Variants in TTLL4 observed in about 807,000 individuals in gnomAD.
The protein encoded by TTLL4 is tubulin tyrosine ligase like 4, also known as tubulin monoglutamylase TTLL4.
In TTLL4, 85 loss-of-function variants were observed where a neutral mutation model predicts 122.7. The ratio of observed to expected loss-of-function variants is 0.69; its 90% CI spans 0.58 to 0.83. TTLL4 has a LOEUF of 0.83. Among genes scored for constraint, TTLL4 ranks in the 40% least tolerant of loss-of-function variants. The pLI is 0.00. For missense variants in TTLL4, 1,363 were observed against 1,488.6 expected, an observed-to-expected ratio of 0.92 and a Z score of 1.39; for synonymous variants, 553 against 563.0, an observed-to-expected ratio of 0.98 and a Z score of 0.25.
chr2:218,746,217 C>T lies in TTLL4; in HGVS notation c.1960C>T (p.Arg654Ter), dbSNP rs905007441. 3.1e-6 allele frequency: 5 copies of T among 1,613,668 alleles called. No individual in the cohort carries two copies. The highest frequency in any genetic ancestry group is 4.2e-6 in the Non-Finnish European group (5 of 1,179,996). ...HMKSPSFRSI[R>*]EHQKLNHFPG... ...GAAGTCTCCTAGTTTCCGATCCATTCGAGAGCATCAGAAGGTAGGGGTCCT... is the reference window on the plus strand; with the variant it reads ...GAAGTCTCCTAGTTTCCGATCCATTTGAGAGCATCAGAAGGTAGGGGTCCT... The change falls in exon 8 of 20, where the codon CGA becomes TGA. Residue 654 changes from arginine (R) to a stop codon, truncating the protein, a stop_gained. Coordinates refer to ENST00000392102, the MANE Select transcript of TTLL4 (RefSeq NM_014640.5). LOFTEE classifies it high-confidence loss of function.
intron 2 of TTLL4, 43 bp from the exon 3 acceptor site, chr2:218,737,536 C>T: frequency 9.7e-7 from 1 of 1,034,292 alleles, no homozygotes; most frequent in Non-Finnish European, 1.4e-6. Flanking sequence ...GGTGTCCGTT[C>T]TCCTGGCACT....
intron 16 of TTLL4, 90 bp downstream of exon 16, chr2:218,751,896 T>C: frequency 1.3e-6 from 1 of 780,914 alleles, no homozygotes; most frequent in Non-Finnish European, 1.8e-6. Context: ...TCTTTTTTTT[T>C]TTCTTTTCTT....
intron 14 of TTLL4, 125 bp from the exon 15 acceptor site, chr2:218,749,884 G>A (rs13031847): frequency 3.9e-6 from 5 of 1,276,604 alleles, no homozygotes; most frequent in Non-Finnish European, 5.4e-6. Context: ...CCTGCATGGG[G>A]ATGTTTGAGC....
At chr2:218,749,466 T>TC in intron 14 of TTLL4, 79 bp downstream of exon 14, 1 of 1,515,882 alleles carries the variant, frequency 6.6e-7, no homozygotes, top group Non-Finnish European at 8.9e-7. Context: ...AGTAAGTTGT[T>TC]CTTTTTTTTT....
downstream of TTLL4, among the ~76,000 whole-genome samples, chr2:218,757,530 A>G (rs1943174765): frequency 6.6e-6 from 1 of 152,212 alleles, no homozygotes. Flanking sequence ...AGGTGGCTGG[A>G]AAGGGGAGAA....
chr2:218,716,212 G>A (rs112944342), intron 1 of TTLL4, among the ~76,000 whole-genome samples: 7 of 152,340 alleles, frequency 4.6e-5, no homozygotes, highest in Admixed American at 1.3e-4. Flanking sequence ...AACAAGTACA[G>A]TCAGTTGGTT....
intron 1 of TTLL4, among the ~76,000 whole-genome samples, chr2:218,713,177 C>T (rs1022813014): frequency 6.6e-6 from 1 of 152,002 alleles, no homozygotes; most frequent in East Asian, 1.9e-4. Flanking sequence ...CCCAGGAATT[C>T]GAGACCAGCC....
rs1167143016 is a variant in TTLL4 at position 218,754,732 on chromosome 2, T to C, written c.*343T>C. ...GGTTTGTCTGGGGGCCCTGGTGTGGTTGCTGAGTTGTAGCTCAAGAGGAGA... is the reference window on the plus strand; with the variant it reads ...GGTTTGTCTGGGGGCCCTGGTGTGGCTGCTGAGTTGTAGCTCAAGAGGAGA... On this transcript the variant is annotated 3_prime_UTR_variant, in exon 20 of 20. Transcript: ENST00000392102. The C allele has an allele frequency of 3.0e-6, 1 of 332,026 alleles. No individual in the cohort carries two copies. Among genetic ancestry groups the C allele is most frequent in the Non-Finnish European group, 5.6e-6 (1 of 179,118 alleles). 20.6% of individuals were successfully genotyped at this position (332,026 alleles called of 1,614,324 possible).
rs1442100476 is a variant in TTLL4, at chr2:218,754,289, A to G, written c.3500A>G (p.Gln1167Arg). 1.9e-6 allele frequency: 3 copies of G among 1,614,186 alleles called. No homozygotes were observed. The highest frequency in any genetic ancestry group is 2.5e-6 in the Non-Finnish European group (3 of 1,180,028). ...AGCAAAGAGCCCAGCCTTTCTACCC[A>G]GACGTTACCTGTGATCAAGTGCTCT... ...DTSKEPSLST[Q>R]TLPVIKCSGQ... The change falls in exon 20 of 20, where the codon CAG becomes CGG. Residue 1167 changes from glutamine to arginine, a missense_variant. Physicochemically the swap from Gln to Arg is conservative, Grantham distance 43 (BLOSUM62 1). Transcript: ENST00000392102.
chr2:218,753,226 C>A, intron 18 of TTLL4, 41 bp downstream of exon 18: 1 of 1,608,550 alleles, frequency 6.2e-7, no homozygotes, highest in Non-Finnish European at 8.5e-7. Context: ...TTCTCAGGCC[C>A]CTCCCTCCTC....
At chr2:218,749,132 G>A (rs146391918) in intron 13 of TTLL4, 121 bp from the exon 14 acceptor site, 93 of 1,441,472 alleles carry the variant, frequency 6.5e-5, no homozygotes, top group Admixed American at 4.4e-4. Flanking sequence ...TGTCACTTGA[G>A]AGCTACCTTT....
chr2:218,743,439 C>T (rs765520025), intron 5 of TTLL4, among the ~76,000 whole-genome samples: 29 of 152,172 alleles, frequency 1.9e-4, no homozygotes, highest in Admixed American at 1.3e-4. Flanking sequence ...TTTGTTTAAC[C>T]GTACACCTGT....
rs762582723 is a variant in TTLL4, at chr2:218,752,981, G to A, written c.3187+8G>A. The stretch of plus-strand genomic sequence containing the variant: ...ATGGCAACAAGCTTAAAGGTGATGT[G>A]CCCTCCCTGCCCTCAGAAAGCCAAG... On this transcript the variant is annotated splice_region_variant and intron_variant, in intron 17 of 19. Coordinates refer to ENST00000392102, the MANE Select transcript of TTLL4 (RefSeq NM_014640.5). 1.2e-6 allele frequency: 2 copies of A among 1,614,154 alleles called. No homozygotes were observed. The highest frequency in any genetic ancestry group is 1.7e-6 in the Non-Finnish European group (2 of 1,180,022).
chr2:218,745,934 G>A (rs1942831091), intron 7 of TTLL4, 133 bp downstream of exon 7: 2 of 902,494 alleles, frequency 2.2e-6, no homozygotes. Flanking sequence ...AACCTCATAG[G>A]AGGGTGTAGC....
At position 218,720,545 on chromosome 2, in the gene TTLL4, G is replaced by A. The variant is rs531909558; in HGVS notation, c.-177-6724G>A. On this transcript the variant is annotated intron_variant, in intron 1 of 19. Coordinates refer to ENST00000392102, the MANE Select transcript of TTLL4 (RefSeq NM_014640.5). The stretch of plus-strand genomic sequence containing the variant: ...AAAAATTATCCGGGCACGATGGCGG[G>A]TGCCTGTAATCCCGGCTATTCGGGA... Among the ~76,000 whole-genome samples, 11 of 152,144 alleles carry A rather than the reference G, an allele frequency of 7.2e-5. No homozygotes were observed. The South Asian group carries it at 2.3e-3, about 32-fold the overall frequency.
rs775131251 is a variant in TTLL4, at chr2:218,747,394, C to T, written c.2249+22C>T. 1.2e-6 allele frequency: 2 copies of T among 1,611,164 alleles called. No homozygotes were observed. The highest frequency in any genetic ancestry group is 3.4e-5 in the Admixed American group (2 of 59,690). On this transcript the variant is annotated intron_variant, in intron 10 of 19. Coordinates refer to ENST00000392102, the MANE Select transcript of TTLL4 (RefSeq NM_014640.5). This position sits in a 1 kb window ranked among gnomAD's most constrained non-coding sequence, Gnocchi z 4.7. The stretch of plus-strand genomic sequence containing the variant: ...AGAGGTGAGCCTGTAGCACATATCC[C>T]TTACCCCATCCTCCCACCTCCTTGG...
chr2:218,717,387 G>A (rs927930319), intron 1 of TTLL4, among the ~76,000 whole-genome samples: 4 of 152,266 alleles, frequency 2.6e-5, no homozygotes, highest in African/African-American at 9.6e-5. Flanking sequence ...CTGAGAAGGA[G>A]GAAAGAGCCT....
chr2:218,754,539 G>T lies in TTLL4; in HGVS notation c.*150G>T. On this transcript the variant is annotated 3_prime_UTR_variant, in exon 20 of 20. Coordinates refer to ENST00000392102, the MANE Select transcript of TTLL4 (RefSeq NM_014640.5). ...TTGAAGTGGTTGCATTATAGAGATG[G>T]GTATTTGTAGGGCCGGAGGGATGGT... 9.8e-7 allele frequency: 1 copy of T among 1,022,132 alleles called. No individual in the cohort carries two copies. Among genetic ancestry groups the T allele is most frequent in the East Asian group, 2.6e-5 (1 of 38,856 alleles). 63.3% of individuals were successfully genotyped at this position (1,022,132 alleles called of 1,614,324 possible).
chr2:218,746,185 A>C lies in TTLL4; in HGVS notation c.1928A>C (p.His643Pro). ...RNDDWLGCWG[H>P]HMKSPSFRSI... is the part of the protein sequence containing the mutation. ...GATGACTGGCTGGGCTGCTGGGGTC[A>C]CCACATGAAGTCTCCTAGTTTCCGA... The change falls in exon 8 of 20, where the codon CAC becomes CCC. Residue 643 changes from histidine to proline, a missense_variant. Transcript: ENST00000392102. 1 of 1,614,068 alleles carries C rather than the reference A, an allele frequency of 6.2e-7. No homozygotes were observed. The highest frequency in any genetic ancestry group is 1.1e-5 in the South Asian group (1 of 91,082).
Sources: allele counts gnomAD v4.1 joint callset (sites outside exome capture counted in the v4.1 genomes callset), GRCh38; gene constraint gnomAD v4.1.1; non-coding constraint Gnocchi (gnomAD v3.1); transcripts MANE v1.5; gene names NCBI Gene and HGNC (gene_info 2026-07-23, HGNC 2026-07-21).